Variants in ARHGEF10L observed in about 807,000 individuals in gnomAD.
The protein encoded by ARHGEF10L is Rho guanine nucleotide exchange factor 10 like.
ARHGEF10L carries 69 observed loss-of-function variants against 141.2 expected under a neutral mutation model. The observed-to-expected ratio is 0.49, with a 90% CI of 0.40 to 0.60. The LOEUF (loss-of-function observed/expected upper bound fraction) is 0.60, where lower values mean the gene tolerates loss of function less well. Ranked by LOEUF, ARHGEF10L falls within the 20% of genes least tolerant of loss-of-function variation. ARHGEF10L has a pLI of 0.00. For missense variants in ARHGEF10L, 1,482 were observed against 1,734.3 expected, an observed-to-expected ratio of 0.85 and a Z score of 2.58; for synonymous variants, 711 against 718.5, an observed-to-expected ratio of 0.99 and a Z score of 0.17.
At chr1:17,533,799 G>T in the ARHGEF10L span, among the ~76,000 whole-genome samples, 1 of 152,096 alleles carries the variant, frequency 6.6e-6, no homozygotes, top group African/African-American at 2.4e-5. Context: ...GTAGCAAAAC[G>T]TGACCTAGTC....
intron 25 of ARHGEF10L, among the ~76,000 whole-genome samples, chr1:17,661,704 G>T (rs549079511): frequency 1.3e-5 from 2 of 152,300 alleles, no homozygotes; most frequent in Non-Finnish European, 2.9e-5. Context: ...AGCCATAGCA[G>T]CCTAATTAGA....
At chr1:17,690,078 T>A (rs1204916005) in intron 27 of ARHGEF10L, among the ~76,000 whole-genome samples, 1 of 152,230 alleles carries the variant, frequency 6.6e-6, no homozygotes. Flanking sequence ...TGGTCTGCTA[T>A]CGCAGTGCTG....
At chr1:17,577,527 CA>C (rs1391234130) in intron 1 of ARHGEF10L, among the ~76,000 whole-genome samples, 1 of 152,212 alleles carries the variant, frequency 6.6e-6, no homozygotes, top group East Asian at 1.9e-4. Flanking sequence ...GAGCCATCCC[CA>C]CTCCCTTGTC....
At chr1:17,606,326 C>T (rs1202560580) in intron 6 of ARHGEF10L, among the ~76,000 whole-genome samples, 1 of 151,324 alleles carries the variant, frequency 6.6e-6, no homozygotes, top group Non-Finnish European at 1.5e-5. Context: ...TGTTGTCTCT[C>T]TCTGTCACCC....
intron 22 of ARHGEF10L, among the ~76,000 whole-genome samples, chr1:17,650,216 C>T (rs1393368865): frequency 1.3e-5 from 2 of 151,270 alleles, no homozygotes; most frequent in African/African-American, 2.4e-5. Context: ...TCGAGACCAG[C>T]CTGGGCAACA....
chr1:17,667,237 CTGCTGG>C (rs1230611808), intron 26 of ARHGEF10L, among the ~76,000 whole-genome samples: 12 of 152,194 alleles, frequency 7.9e-5, no homozygotes, highest in African/African-American at 2.7e-4. Flanking sequence ...GGTCTCCAAT[CTGCTGG>C]GGGAGACCCA....
At chr1:17,652,063 AG>A (rs1183980303) in intron 22 of ARHGEF10L, among the ~76,000 whole-genome samples, 1 of 152,176 alleles carries the variant, frequency 6.6e-6, no homozygotes, top group East Asian at 1.9e-4. Flanking sequence ...GTCCTGGGGC[AG>A]GGGGTGACTC....
chr1:17,626,382 A>G (rs1198661743), intron 14 of ARHGEF10L, among the ~76,000 whole-genome samples: 1 of 152,070 alleles, frequency 6.6e-6, no homozygotes, highest in Non-Finnish European at 1.5e-5. Flanking sequence ...GAGCTTGGCC[A>G]TTTCAGATTC....
rs571252057 is a variant in ARHGEF10L at position 17,678,055 on chromosome 1, G to A, written c.3010-9518G>A. Among the ~76,000 whole-genome samples the A allele has an allele frequency of 3.3e-5, 5 of 152,274 alleles. No individual in the cohort carries two copies. The South Asian group carries it at 8.3e-4, about 25-fold the overall frequency. ...GGGCAGCCCAGCACGTGCAGGAGCC[G>A]GAAGATGCCTGGCCCCCTCTCTATG... On this transcript the variant is annotated intron_variant, in intron 26 of 28. Transcript: ENST00000361221.
chr1:17,589,632 T>G (rs1570674233), intron 4 of ARHGEF10L, among the ~76,000 whole-genome samples: 1 of 152,306 alleles, frequency 6.6e-6, no homozygotes, highest in East Asian at 1.9e-4. Flanking sequence ...CTCCTGAGCT[T>G]GCTACTATGT....
chr1:17,532,470 C>T, the ARHGEF10L span, among the ~76,000 whole-genome samples: 2 of 152,166 alleles, frequency 1.3e-5, no homozygotes, highest in African/African-American at 4.8e-5. Flanking sequence ...GAGTAGGTGG[C>T]CCCCTGGGGC....
intron 4 of ARHGEF10L, among the ~76,000 whole-genome samples, chr1:17,601,139 C>A (rs534214555): frequency 6.6e-6 from 1 of 151,802 alleles, no homozygotes; most frequent in African/African-American, 2.4e-5. Context: ...GTACAATGTT[C>A]CCCACTCCGA....
intron 1 of ARHGEF10L, among the ~76,000 whole-genome samples, chr1:17,540,878 G>C (rs1032008047): frequency 1.3e-5 from 2 of 152,196 alleles, no homozygotes; most frequent in Non-Finnish European, 2.9e-5. Context: ...TGGGGAGAGA[G>C]GGCAGGTTGT....
chr1:17,666,842 C>A (rs1192046901), intron 26 of ARHGEF10L, among the ~76,000 whole-genome samples: 2 of 79,922 alleles, frequency 2.5e-5, no homozygotes, highest in Non-Finnish European at 4.7e-5. Flanking sequence ...ACGCTGGGGG[C>A]TTCCCTGCTA....
intron 26 of ARHGEF10L, among the ~76,000 whole-genome samples, chr1:17,667,126 G>T (rs990948101): frequency 1.3e-5 from 2 of 152,228 alleles, no homozygotes; most frequent in African/African-American, 4.8e-5. Flanking sequence ...CTCAGCCCAG[G>T]AGTATACTGG....
Position 17,634,920 on chromosome 1 carries a change from G to A in ARHGEF10L, c.1831G>A (p.Val611Met), listed in dbSNP as rs773954060. 3 of 1,614,118 alleles carry A rather than the reference G, an allele frequency of 1.9e-6. No individual in the cohort carries two copies. The highest frequency in any genetic ancestry group is 2.5e-6 in the Non-Finnish European group (3 of 1,179,992). Residue 611 changes from valine (V) to methionine (M), a missense_variant, in exon 18 of 29, where the codon GTG becomes ATG. By Grantham distance (21) the Val-to-Met change is conservative (BLOSUM62 1). Coordinates refer to ENST00000361221, the MANE Select transcript of ARHGEF10L (RefSeq NM_018125.4). ...WNTALPQVQV[V>M]EVGQDGGTYD... is the part of the protein sequence containing the mutation. ...CACGGCGCTGCCCCAGGTGCAGGTG[G>A]TGGAGGTGGGCCAGGACGGTGGCAC...
At position 17,648,062 on chromosome 1, in the gene ARHGEF10L, A is replaced by G. The variant is rs966822251; in HGVS notation, c.2273-492A>G. Among the ~76,000 whole-genome samples the G allele has an allele frequency of 3.9e-5, 6 of 152,316 alleles. No homozygotes were observed. The East Asian group carries it at 9.6e-4, about 24-fold the overall frequency. ...CTGCATTTCCATCACCACCATGGTC[A>G]AGTGTGAGTGCCGCAATGGCGACCT... On this transcript the variant is annotated intron_variant, in intron 21 of 28. Transcript: ENST00000361221.
intron 1 of ARHGEF10L, among the ~76,000 whole-genome samples, chr1:17,574,147 C>G (rs916230371): frequency 6.6e-6 from 1 of 152,120 alleles, no homozygotes; most frequent in Non-Finnish European, 1.5e-5. Flanking sequence ...ACTCCCCCTT[C>G]CACCCTGGGC....
intron 23 of ARHGEF10L, among the ~76,000 whole-genome samples, chr1:17,655,431 TCATCTGTCCATCCATC>T (rs1296555853): frequency 8.7e-5 from 13 of 149,578 alleles, no homozygotes; most frequent in Non-Finnish European, 1.6e-4. Context: ...TATCTGTCTA[TCATCTGTCCATCCATC>T]CATCCATCCA....
Sources: gnomAD v4.1 joint callset for allele counts (sites outside exome capture counted in the v4.1 genomes callset) on GRCh38, gnomAD v4.1.1 for gene constraint, MANE v1.5 for transcripts, NCBI Gene and HGNC (gene_info 2026-07-23, HGNC 2026-07-21) for gene names.